The following TRIAP1 variants were observed in gnomAD, a reference collection of about 807,000 sequenced individuals.
TRIAP1 encodes the protein TP53-regulated inhibitor of apoptosis 1.
In TRIAP1, 8 loss-of-function variants were observed where a neutral mutation model predicts 8.4. That is an observed-to-expected ratio of 0.96 (90% CI 0.56 to 1.73). The LOEUF (loss-of-function observed/expected upper bound fraction) is 1.73, where lower values mean the gene tolerates loss of function less well. Among genes scored for constraint, TRIAP1 ranks in the 40% most tolerant of loss-of-function variants. TRIAP1 has a pLI of 0.00. For missense variants in TRIAP1, 90 were observed against 96.9 expected, an observed-to-expected ratio of 0.93 and a Z score of 0.30; for synonymous variants, 35 against 34.0, an observed-to-expected ratio of 1.03 and a Z score of -0.10.
chr12:120,445,452 C>A (rs2137035128), intron 1 of TRIAP1, among the ~76,000 whole-genome samples: 1 of 152,132 alleles, frequency 6.6e-6, no homozygotes, highest in Middle Eastern at 3.4e-3. Flanking sequence ...CTGAGGGAGA[C>A]TGGAAAAGGA....
At position 120,443,982 on chromosome 12, in the gene TRIAP1, A is replaced by G. The variant is rs1006020179; in HGVS notation, c.*890T>C. On this transcript the variant is annotated 3_prime_UTR_variant, in exon 2 of 2. Coordinates refer to ENST00000546954, the MANE Select transcript of TRIAP1 (RefSeq NM_016399.3). ...CAAATAATGATAGAAACTAAATGTTACAATTTATTCCATCTTCAGGATTAC... is the reference window on the plus strand; with the variant it reads ...CAAATAATGATAGAAACTAAATGTTGCAATTTATTCCATCTTCAGGATTAC... 3 of 152,222 alleles carry G rather than the reference A, an allele frequency of 2.0e-5. No individual in the cohort carries two copies. The highest frequency in any genetic ancestry group is 1.3e-4 in the Admixed American group (2 of 15,264). The allele number at this position is 152,222 out of a possible 1,614,324, so 9.4% of individuals were successfully genotyped here. A position where few individuals can be genotyped will look rare whatever the true frequency, so the allele number is the denominator to read the frequency against.
chr12:120,446,149 C>A lies in TRIAP1; in HGVS notation c.147+77G>T, dbSNP rs142657101. The A allele has an allele frequency of 1.1e-5, 17 of 1,574,174 alleles. No homozygotes were observed. In the African/African-American group the frequency reaches 1.7e-4, roughly 16 times the overall value. Reference sequence around the variant, plus strand: ...TCCACCCTTCCAGTCCAGTCCCAATCCCCGTAAAATACGATGAGTGTGGTG... The same window carrying A: ...TCCACCCTTCCAGTCCAGTCCCAATACCCGTAAAATACGATGAGTGTGGTG... On this transcript the variant is annotated intron_variant, in intron 1 of 1. Coordinates refer to ENST00000546954, the MANE Select transcript of TRIAP1 (RefSeq NM_016399.3).
chr12:120,445,963 C>T, intron 1 of TRIAP1: 1 of 474,174 alleles, frequency 2.1e-6, no homozygotes, highest in Non-Finnish European at 3.7e-6. Flanking sequence ...TAACTATGCC[C>T]ACCTTGCGAG....
chr12:120,446,176 GAC>G (rs774417615), intron 1 of TRIAP1, 48 bp downstream of exon 1: 1 of 1,604,446 alleles, frequency 6.2e-7, no homozygotes, highest in East Asian at 2.2e-5. Context: ...AGTGTGGTGG[GAC>G]ACAGCGCCGA....
At chr12:120,445,373 AGAGT>A (rs1257683638) in intron 1 of TRIAP1, among the ~76,000 whole-genome samples, 1 of 152,218 alleles carries the variant, frequency 6.6e-6, no homozygotes, top group African/African-American at 2.4e-5. Flanking sequence ...GCTGGGAGAC[AGAGT>A]GAGACTCTGC....
intron 1 of TRIAP1, among the ~76,000 whole-genome samples, chr12:120,445,217 C>G (rs1264715961): frequency 2.0e-5 from 3 of 152,166 alleles, no homozygotes; most frequent in Non-Finnish European, 2.9e-5. Context: ...ATGGCGAGAC[C>G]CTGTTTATAC....
intron 1 of TRIAP1, among the ~76,000 whole-genome samples, chr12:120,445,227 C>A (rs1877819757): frequency 6.6e-6 from 1 of 152,164 alleles, no homozygotes; most frequent in Non-Finnish European, 1.5e-5. Flanking sequence ...CCTGTTTATA[C>A]TAAAAATACA....
rs1877792755 is a variant in TRIAP1 at position 120,444,151 on chromosome 12, T to G, written c.*721A>C. The G allele has an allele frequency of 6.6e-6, 1 of 152,216 alleles. No individual in the cohort carries two copies. The highest frequency in any genetic ancestry group is 6.6e-5 in the Admixed American group (1 of 15,266). The allele number at this position is 152,216 out of a possible 1,614,324, so 9.4% of individuals were successfully genotyped here. ...CAATTCACTGACTTGGGTTGAGAGC[T>G]GGCAATAGCAGATCTTTGCAATTTA... On this transcript the variant is annotated 3_prime_UTR_variant, in exon 2 of 2. Coordinates refer to ENST00000546954, the MANE Select transcript of TRIAP1 (RefSeq NM_016399.3).
chr12:120,444,357 T>G lies in TRIAP1; in HGVS notation c.*515A>C, dbSNP rs1877796749. The G allele has an allele frequency of 6.5e-6, 1 of 153,968 alleles. No homozygotes were observed. The highest frequency in any genetic ancestry group is 1.4e-5 in the Non-Finnish European group (1 of 69,062). The allele number at this position is 153,968 out of a possible 1,614,324, so 9.5% of individuals were successfully genotyped here. The stretch of plus-strand genomic sequence containing the variant: ...TTGCTAATCCAGGCCACCATCAATC[T>G]TAACCATTAGTTACTATATAAAAAT... On this transcript the variant is annotated 3_prime_UTR_variant, in exon 2 of 2. Transcript: ENST00000546954.
intron 1 of TRIAP1, 60 bp downstream of exon 1, chr12:120,446,166 A>G: frequency 6.3e-7 from 1 of 1,591,968 alleles, no homozygotes; most frequent in Non-Finnish European, 8.6e-7. Flanking sequence ...AAATACGATG[A>G]GTGTGGTGGG....
intron 1 of TRIAP1, among the ~76,000 whole-genome samples, chr12:120,445,696 A>G (rs747058708): frequency 7.2e-5 from 11 of 152,170 alleles, no homozygotes; most frequent in Non-Finnish European, 1.2e-4. Flanking sequence ...TTCCACATCC[A>G]TTGGGCCAGA....
At chr12:120,446,001 G>A in intron 1 of TRIAP1, 4 of 589,952 alleles carry the variant, frequency 6.8e-6, no homozygotes, top group Non-Finnish European at 1.2e-5. Flanking sequence ...ATGAACCAAA[G>A]GATGTGACTG....
chr12:120,446,211 G>A lies in TRIAP1; in HGVS notation c.147+15C>T. ...CGAGAATGCAGGGCCTGGGAACAGA[G>A]GCGGGAGGGCTCACCTGAACACACT... On this transcript the variant is annotated intron_variant, in intron 1 of 1. Coordinates refer to ENST00000546954, the MANE Select transcript of TRIAP1 (RefSeq NM_016399.3). 1 of 1,610,652 alleles carries A rather than the reference G, an allele frequency of 6.2e-7. No individual in the cohort carries two copies. The highest frequency in any genetic ancestry group is 8.5e-7 in the Non-Finnish European group (1 of 1,177,424).
chr12:120,445,283 C>CG (rs1243516030), intron 1 of TRIAP1, among the ~76,000 whole-genome samples: 3 of 152,132 alleles, frequency 2.0e-5, no homozygotes, highest in Non-Finnish European at 4.4e-5. Flanking sequence ...CCCAGCTACT[C>CG]GGGTGGCTGA....
rs567566639 is a variant in TRIAP1 at position 120,444,696 on chromosome 12, A to C, written c.*176T>G. The C allele has an allele frequency of 2.7e-3, 1,655 of 618,096 alleles. 8 individuals are homozygous for C. Among genetic ancestry groups the C allele is most frequent in the Non-Finnish European group, 4.1e-3 (1,413 of 347,222 alleles). The allele number at this position is 618,096 out of a possible 1,614,324, so 38.3% of individuals were successfully genotyped here. A position where few individuals can be genotyped will look rare whatever the true frequency, so the allele number is the denominator to read the frequency against. The stretch of plus-strand genomic sequence containing the variant: ...TGCAAGATACCACAGCAGGTGAGAA[A>C]TCATCTCAAAGAGTTCATCTTTTAC... On this transcript the variant is annotated 3_prime_UTR_variant, in exon 2 of 2. Coordinates refer to ENST00000546954, the MANE Select transcript of TRIAP1 (RefSeq NM_016399.3).
Position 120,446,311 on chromosome 12 carries a change from C to A in TRIAP1, c.62G>T (p.Arg21Leu). The A allele has an allele frequency of 6.2e-7, 1 of 1,614,234 alleles. No individual in the cohort carries two copies. The highest frequency in any genetic ancestry group is 8.5e-7 in the Non-Finnish European group (1 of 1,180,046). The change falls in exon 1 of 2, where the codon CGC becomes CTC. Residue 21 changes from arginine (R) to leucine (L), a missense_variant. Coordinates refer to ENST00000546954, the MANE Select transcript of TRIAP1 (RefSeq NM_016399.3). ...MKREYDQCFNRWFAEKFLKGD... is the reference protein window; with the variant it reads ...MKREYDQCFNLWFAEKFLKGD... ...CTTGAGAAATTTCTCGGCGAACCAG[C>A]GATTGAAGCACTGGTCGTACTCGCG...
chr12:120,445,834 C>T (rs933690034), intron 1 of TRIAP1: 22 of 200,024 alleles, frequency 1.1e-4, no homozygotes, highest in African/African-American at 4.9e-4. Context: ...GCCCAGACCC[C>T]AGCAGTAATA....
At chr12:120,446,130 C>T (rs1390649628) in intron 1 of TRIAP1, 96 bp downstream of exon 1, 2 of 1,520,888 alleles carry the variant, frequency 1.3e-6, no homozygotes, top group Non-Finnish European at 1.8e-6. Context: ...TTTCTCCACC[C>T]TTCCAGTCCA....
chr12:120,445,289 G>A (rs1462540580), intron 1 of TRIAP1, among the ~76,000 whole-genome samples: 2 of 152,206 alleles, frequency 1.3e-5, no homozygotes, highest in Non-Finnish European at 2.9e-5. Context: ...TACTCGGGTG[G>A]CTGAGGCATG....
Sources: gnomAD v4.1 joint callset for allele counts (sites outside exome capture counted in the v4.1 genomes callset) on GRCh38, gnomAD v4.1.1 for gene constraint, MANE v1.5 for transcripts, NCBI Gene and HGNC (gene_info 2026-07-23, HGNC 2026-07-21) for gene names.